DNM1: variants seen among roughly 807,000 people sequenced by gnomAD.
DNM1 encodes dynamin-1.
Under a neutral mutation model 104.6 loss-of-function variants are expected in DNM1, and 29 were observed. The ratio of observed to expected loss-of-function variants is 0.28; its 90% CI spans 0.21 to 0.38. DNM1 has a LOEUF of 0.38. DNM1 is among the 10% of genes least tolerant of loss of function. The pLI, the probability that DNM1 is intolerant of heterozygous loss-of-function variation, is 1.00. For missense variants in DNM1, 640 were observed against 1,189.4 expected, an observed-to-expected ratio of 0.54 and a Z score of 6.79; for synonymous variants, 445 against 475.8, an observed-to-expected ratio of 0.94 and a Z score of 0.84.
chr9:128,235,260 C>A (rs1456608773), intron 11 of DNM1, among the ~76,000 whole-genome samples: 2 of 151,936 alleles, frequency 1.3e-5, no homozygotes, highest in African/African-American at 4.8e-5. Context: ...CTTTGGGAGG[C>A]CAAGGTGGGC....
intron 11 of DNM1, among the ~76,000 whole-genome samples, chr9:128,238,451 T>C (rs1327959033): frequency 6.6e-6 from 1 of 152,104 alleles, no homozygotes; most frequent in Non-Finnish European, 1.5e-5. Context: ...CTCGAACTCC[T>C]GACCTCAGGT....
chr9:128,231,491 G>A (rs563577013), intron 10 of DNM1, among the ~76,000 whole-genome samples: 1 of 152,102 alleles, frequency 6.6e-6, no homozygotes, highest in Non-Finnish European at 1.5e-5. Context: ...GCAAGCCACC[G>A]CAACCGGCCA....
chr9:128,205,074 G>A (rs758124557), intron 1 of DNM1, among the ~76,000 whole-genome samples: 1 of 152,156 alleles, frequency 6.6e-6, no homozygotes, highest in Non-Finnish European at 1.5e-5. Flanking sequence ...GTGCCCATCT[G>A]GTCAGCAGAG....
rs746896311 is a variant in DNM1 at position 128,226,186 on chromosome 9, C to T, written c.1335+1797C>T. On this transcript the variant is annotated intron_variant, in intron 10 of 21. Transcript: ENST00000372923. The stretch of plus-strand genomic sequence containing the variant: ...GTGTAGCGAAAAGGTATGACGGCCG[C>T]CTGGGCGGGGCTGGGCCTGGCCGTC... 19 of 1,612,554 alleles carry T rather than the reference C, an allele frequency of 1.2e-5. No individual in the cohort carries two copies. The South Asian group carries it at 1.6e-4, about 14-fold the overall frequency.
At chr9:128,239,237 A>G (rs556208203) in intron 11 of DNM1, among the ~76,000 whole-genome samples, 10 of 152,076 alleles carry the variant, frequency 6.6e-5, no homozygotes, top group African/African-American at 2.4e-4. Context: ...GGCTCAAGCA[A>G]TCCTCCCACT....
At chr9:128,216,282 TTCCAGGCTGAGGG>T (rs1834600805) in intron 1 of DNM1, among the ~76,000 whole-genome samples, 1 of 152,170 alleles carries the variant, frequency 6.6e-6, no homozygotes, top group Non-Finnish European at 1.5e-5. Flanking sequence ...ATGAGGAAGT[TTCCAGGCTGAGGG>T]TCCAACAGAC....
At position 128,222,116 on chromosome 9, in the gene DNM1, T is replaced by A; in HGVS notation, c.850-81T>A. The A allele has an allele frequency of 1.3e-6, 2 of 1,520,520 alleles. No homozygotes were observed. The highest frequency in any genetic ancestry group is 1.8e-6 in the Non-Finnish European group (2 of 1,127,328). 94.2% of individuals were successfully genotyped at this position (1,520,520 alleles called of 1,614,324 possible). On this transcript the variant is annotated intron_variant, in intron 6 of 21. Transcript: ENST00000372923. This position sits in a 1 kb window ranked among gnomAD's most constrained non-coding sequence, Gnocchi z 7.8. ...TCCATAGCTCTCCACCTCACCACGT[T>A]CACACAGTCCCCTGGCATCCAAGTC...
rs1225486872 is a variant in DNM1, at chr9:128,253,116, C to T, written c.2535-1538C>T. 17 of 1,609,058 alleles carry T rather than the reference C, an allele frequency of 1.1e-5. No homozygotes were observed. The highest frequency in any genetic ancestry group is 1.3e-5 in the Non-Finnish European group (15 of 1,179,972). Reference sequence around the variant, plus strand: ...TGTCTTTCAGAATCACTATCAGTGACCCCTGAGGAGCGTCAGCCATGGTAG... The same window carrying T: ...TGTCTTTCAGAATCACTATCAGTGATCCCTGAGGAGCGTCAGCCATGGTAG... On this transcript the variant is annotated intron_variant, in intron 21 of 21. Transcript: ENST00000372923. This position sits in a 1 kb window ranked among gnomAD's most constrained non-coding sequence, Gnocchi z 5.9.
At position 128,250,827 on chromosome 9, in the gene DNM1, C is replaced by A; in HGVS notation, c.2421C>A (p.Ser807=). 7.6e-7 allele frequency: 1 copy of A among 1,308,936 alleles called. No homozygotes were observed. Among genetic ancestry groups the A allele is most frequent in the Non-Finnish European group, 9.6e-7 (1 of 1,038,306 alleles). 81.1% of individuals were successfully genotyped at this position (1,308,936 alleles called of 1,614,324 possible). Residue 807 remains serine, a synonymous_variant, in exon 21 of 22, where the codon TCC becomes TCA. Coordinates refer to ENST00000372923, the MANE Select transcript of DNM1 (RefSeq NM_004408.4). ...CTCCTGGGCCTCCGCCTGCTGGGTC[C>A]GCCCTGGGGGGGGCGCCCCCCGTGC... ...GPAPGPPPAG[S]ALGGAPPVPS...
chr9:128,252,707 C>T (rs1564356863), intron 21 of DNM1: 2 of 490,266 alleles, frequency 4.1e-6, no homozygotes, highest in Non-Finnish European at 8.0e-6. Context: ...TGGACTTTAG[C>T]GAGCAAGCCC....
chr9:128,238,944 C>T (rs533554059), intron 11 of DNM1, among the ~76,000 whole-genome samples: 48 of 152,052 alleles, frequency 3.2e-4, no homozygotes, highest in African/African-American at 9.6e-4. Flanking sequence ...CGTGAGCCAC[C>T]GCACCTGGCC....
At chr9:128,216,284 C>T (rs1220365587) in intron 1 of DNM1, among the ~76,000 whole-genome samples, 3 of 152,084 alleles carry the variant, frequency 2.0e-5, no homozygotes, top group African/African-American at 7.3e-5. Context: ...GAGGAAGTTT[C>T]CAGGCTGAGG....
intron 14 of DNM1, among the ~76,000 whole-genome samples, chr9:128,241,438 G>T (rs1029182864): frequency 1.3e-5 from 2 of 152,176 alleles, no homozygotes; most frequent in Non-Finnish European, 2.9e-5. Context: ...GCACTTTGTG[G>T]CTCAGCCCTT....
chr9:128,220,271 T>A lies in DNM1; in HGVS notation c.779T>A (p.Leu260His), dbSNP rs1312428491. The A allele has an allele frequency of 6.2e-7, 1 of 1,614,050 alleles. No individual in the cohort carries two copies. Among genetic ancestry groups the A allele is most frequent in the African/African-American group, 1.3e-5 (1 of 74,914 alleles). ...TTGGCTGCTGAACGAAAGTTCTTCCTCTCCCATCCATCTTATCGCCACTTG... is the reference window on the plus strand; with the variant it reads ...TTGGCTGCTGAACGAAAGTTCTTCCACTCCCATCCATCTTATCGCCACTTG... ...AALAAERKFF[L>H]SHPSYRHLAD... Residue 260 changes from leucine to histidine, a missense_variant, in exon 6 of 22, where the codon CTC (leucine) becomes CAC (histidine). Leu to His is a moderately conservative substitution (Grantham distance 99). This residue lies in a region of DNM1 where 81 missense variants were observed against 99.8 expected (regional missense o/e 0.81). Coordinates refer to ENST00000372923, the MANE Select transcript of DNM1 (RefSeq NM_004408.4). This position sits in a 1 kb window ranked among gnomAD's most constrained non-coding sequence, Gnocchi z 5.2.
chr9:128,213,533 G>A (rs930982519), intron 1 of DNM1, among the ~76,000 whole-genome samples: 2 of 152,188 alleles, frequency 1.3e-5, no homozygotes, highest in African/African-American at 4.8e-5. Flanking sequence ...AGGATGAGAA[G>A]ATAAGAAATA....
Position 128,222,866 on chromosome 9 carries a change from T to A in DNM1, c.1196+6T>A. On this transcript the variant is annotated splice_donor_region_variant and intron_variant, in intron 9 of 21. Coordinates refer to ENST00000372923, the MANE Select transcript of DNM1 (RefSeq NM_004408.4). The surrounding 1 kb of genome is among the most constrained non-coding windows in gnomAD (Gnocchi z 7.8). ...AAGAATATCCATGGCATTAGGCACG[T>A]ATTGGGGCCTGGGAGGGTGGCTGAA... 1 of 1,613,862 alleles carries A rather than the reference T, an allele frequency of 6.2e-7. No individual in the cohort carries two copies. Among genetic ancestry groups the A allele is most frequent in the Non-Finnish European group, 8.5e-7 (1 of 1,179,886 alleles).
At chr9:128,217,798 T>G (rs1003032922) in intron 1 of DNM1, among the ~76,000 whole-genome samples, 1 of 152,148 alleles carries the variant, frequency 6.6e-6, no homozygotes, top group Non-Finnish European at 1.5e-5. Context: ...GGAAGTGAGA[T>G]GCTGCCCTGC....
At chr9:128,212,966 A>G (rs969327271) in intron 1 of DNM1, among the ~76,000 whole-genome samples, 1 of 152,240 alleles carries the variant, frequency 6.6e-6, no homozygotes, top group Admixed American at 6.5e-5. Context: ...TCAGCAATTC[A>G]TCAGTGTTTA....
Position 128,224,357 on chromosome 9 carries a change from C to T in DNM1, c.1303C>T (p.Leu435=). Residue 435 remains leucine, a synonymous_variant, in exon 10 of 22, where the codon CTA becomes TTA. Transcript: ENST00000372923. This position sits in a 1 kb window ranked among gnomAD's most constrained non-coding sequence, Gnocchi z 4.3. ...LKCVDMVISE[L]ISTVRQCTKK... ...GTGTGTGGACATGGTTATCTCGGAGCTAATCAGCACCGTTAGACAGTGCAC... is the reference window on the plus strand; with the variant it reads ...GTGTGTGGACATGGTTATCTCGGAGTTAATCAGCACCGTTAGACAGTGCAC... The T allele has an allele frequency of 6.2e-7, 1 of 1,614,020 alleles. No individual in the cohort carries two copies.
Sources: allele counts gnomAD v4.1 joint callset (sites outside exome capture counted in the v4.1 genomes callset), GRCh38; gene constraint gnomAD v4.1.1; regional missense constraint gnomAD v4.1.1; non-coding constraint Gnocchi (gnomAD v3.1); transcripts MANE v1.5; gene names NCBI Gene and HGNC (gene_info 2026-07-23, HGNC 2026-07-21).